The following ANO10 variants were observed in gnomAD, a reference collection of about 807,000 sequenced individuals.
ANO10 encodes the protein anoctamin 10.
ANO10 carries 77 observed loss-of-function variants against 74.7 expected under a neutral mutation model. That is an observed-to-expected ratio of 1.03 (90% CI 0.86 to 1.25). The LOEUF (loss-of-function observed/expected upper bound fraction) is 1.25. Among genes scored for constraint, ANO10 ranks in the 50% most tolerant of loss-of-function variants. The pLI, the probability that ANO10 is intolerant of heterozygous loss-of-function variation, is 0.00. For synonymous variants in ANO10, 279 were observed against 284.9 expected, an observed-to-expected ratio of 0.98 and a Z score of 0.21; for missense variants, 721 against 778.1, an observed-to-expected ratio of 0.93 and a Z score of 0.87.
chr3:43,545,524 C>A (rs1453237637), intron 11 of ANO10, among the ~76,000 whole-genome samples: 1 of 152,106 alleles, frequency 6.6e-6, no homozygotes, highest in East Asian at 1.9e-4. Flanking sequence ...CACCACCATG[C>A]CCGGCTAATT....
intron 1 of ANO10, among the ~76,000 whole-genome samples, chr3:43,661,070 C>T (rs1392310271): frequency 6.6e-6 from 1 of 152,134 alleles, no homozygotes; most frequent in Admixed American, 6.6e-5. Context: ...AAAGATGCTC[C>T]TCGAGAAGAG....
chr3:43,674,647 C>T (rs991899288), intron 1 of ANO10, among the ~76,000 whole-genome samples: 3 of 152,138 alleles, frequency 2.0e-5, no homozygotes, highest in Non-Finnish European at 2.9e-5. Flanking sequence ...GTTTAATGTT[C>T]AGGAGTGCTC....
At chr3:43,682,249 T>C (rs897562977) in intron 1 of ANO10, among the ~76,000 whole-genome samples, 6 of 152,030 alleles carry the variant, frequency 3.9e-5, no homozygotes, top group African/African-American at 1.5e-4. Flanking sequence ...AAAGGGGATA[T>C]CACCACTGAT....
At chr3:43,549,409 G>A (rs2079351069) in intron 11 of ANO10, among the ~76,000 whole-genome samples, 2 of 152,224 alleles carry the variant, frequency 1.3e-5, no homozygotes, top group South Asian at 4.2e-4. Context: ...CTTGGGTGCT[G>A]GGATTACAGA....
intron 11 of ANO10, among the ~76,000 whole-genome samples, chr3:43,490,063 A>G (rs2076658884): frequency 6.6e-6 from 1 of 152,244 alleles, no homozygotes; most frequent in Non-Finnish European, 1.5e-5. Flanking sequence ...CCTCACAGCA[A>G]TTACATCAGG....
chr3:43,582,261 C>T (rs1180206466), intron 4 of ANO10, among the ~76,000 whole-genome samples: 5 of 151,990 alleles, frequency 3.3e-5, no homozygotes, highest in East Asian at 1.9e-4. Context: ...ACCATCCTGC[C>T]GAACACCGTG....
At chr3:43,432,944 CTTTTTTTTTTTTTT>C (rs5848663) in intron 11 of ANO10, among the ~76,000 whole-genome samples, 7 of 55,274 alleles carry the variant, frequency 1.3e-4, no homozygotes, top group Admixed American at 6.2e-4. Flanking sequence ...TTGCTTAATT[CTTTTTTTTTTTTTT>C]TTTTTTTTTT....
intron 1 of ANO10, among the ~76,000 whole-genome samples, chr3:43,666,183 A>C (rs764356565): frequency 6.6e-6 from 1 of 152,182 alleles, no homozygotes; most frequent in Non-Finnish European, 1.5e-5. Context: ...AGCTTTAAAG[A>C]ATAATTCAAA....
chr3:43,446,058 C>T (rs1388851134), intron 11 of ANO10, among the ~76,000 whole-genome samples: 2 of 152,086 alleles, frequency 1.3e-5, no homozygotes, highest in South Asian at 2.1e-4. Context: ...GAGAGAGAAA[C>T]GTATAGATAT....
chr3:43,626,256 A>G (rs1201539539), upstream of ANO10, among the ~76,000 whole-genome samples: 6 of 139,670 alleles, frequency 4.3e-5, no homozygotes, highest in Non-Finnish European at 9.3e-5. Flanking sequence ...AAATTCTTCC[A>G]TGGTTTCTTG....
intron 12 of ANO10, among the ~76,000 whole-genome samples, chr3:43,384,418 C>T (rs769439765): frequency 2.6e-5 from 4 of 152,014 alleles, no homozygotes; most frequent in Non-Finnish European, 5.9e-5. Context: ...CACAGAACTA[C>T]AAAAAACAAT....
chr3:43,642,862 T>C (rs1168086139), intron 1 of ANO10, among the ~76,000 whole-genome samples: 1 of 152,114 alleles, frequency 6.6e-6, no homozygotes, highest in East Asian at 1.9e-4. Context: ...TTTTTCTGTG[T>C]TTTATGATGC....
chr3:43,398,299 A>G (rs1167397920), intron 12 of ANO10, among the ~76,000 whole-genome samples: 1 of 152,252 alleles, frequency 6.6e-6, no homozygotes, highest in African/African-American at 2.4e-5. Flanking sequence ...GATTTTGTAC[A>G]TGACATAGAT....
intron 12 of ANO10, among the ~76,000 whole-genome samples, chr3:43,377,090 C>CT (rs888969324): frequency 2.0e-5 from 3 of 151,416 alleles, no homozygotes; most frequent in South Asian, 2.1e-4. Flanking sequence ...ATTTAAATTA[C>CT]TTTTTTTTTG....
At chr3:43,422,573 G>A (rs1208818381) in intron 12 of ANO10, among the ~76,000 whole-genome samples, 2 of 152,134 alleles carry the variant, frequency 1.3e-5, no homozygotes, top group African/African-American at 4.8e-5. Flanking sequence ...TGGCCCCAAG[G>A]CCTTTCTCTG....
At chr3:43,379,948 G>A (rs2091913489) in intron 12 of ANO10, among the ~76,000 whole-genome samples, 1 of 152,100 alleles carries the variant, frequency 6.6e-6, no homozygotes, top group Non-Finnish European at 1.5e-5. Context: ...AATGATGCAG[G>A]ATATGAATGG....
chr3:43,567,959 C>T (rs890850947), intron 7 of ANO10, among the ~76,000 whole-genome samples: 13 of 151,968 alleles, frequency 8.6e-5, no homozygotes, highest in Admixed American at 1.3e-4. Flanking sequence ...CAGAGACACC[C>T]ACAGGCTCAA....
At chr3:43,549,637 A>C in intron 11 of ANO10, 83 bp downstream of exon 11, 1 of 1,507,118 alleles carries the variant, frequency 6.6e-7, no homozygotes, top group South Asian at 1.1e-5. Flanking sequence ...ATTGTCAGTC[A>C]TGGACAGCCC....
intron 11 of ANO10, among the ~76,000 whole-genome samples, chr3:43,525,608 T>C (rs1395176413): frequency 6.6e-6 from 1 of 152,196 alleles, no homozygotes; most frequent in Non-Finnish European, 1.5e-5. Context: ...CACAAAGTAC[T>C]TTCACCATAA....
Sources: allele counts gnomAD v4.1 joint callset (sites outside exome capture counted in the v4.1 genomes callset), GRCh38; gene constraint gnomAD v4.1.1; transcripts MANE v1.5; gene names NCBI Gene and HGNC (gene_info 2026-07-23, HGNC 2026-07-21).